MAST4: variants seen among roughly 807,000 people sequenced by gnomAD.
The protein encoded by MAST4 is microtubule-associated serine/threonine-protein kinase 4.
A neutral mutation model predicts 162.7 loss-of-function variants in MAST4; 89 were observed. The observed-to-expected ratio is 0.55, with a 90% CI of 0.46 to 0.65. The LOEUF is 0.65. MAST4 is among the 30% of genes least tolerant of loss of function. The pLI is 0.00. For synonymous variants in MAST4, 1,479 were observed against 1,361.1 expected, an observed-to-expected ratio of 1.09 and a Z score of -1.91; for missense variants, 3,153 against 3,374.0, an observed-to-expected ratio of 0.93 and a Z score of 1.62.
At chr5:66,857,849 C>T (rs1759801755) in intron 3 of MAST4, among the ~76,000 whole-genome samples, 1 of 152,258 alleles carries the variant, frequency 6.6e-6, no homozygotes, top group African/African-American at 2.4e-5. Flanking sequence ...AATTTTAATG[C>T]AGTTCAATTT....
chr5:67,104,251 T>C (rs1172494929), intron 9 of MAST4, 115 bp from the exon 10 acceptor site: 2 of 761,910 alleles, frequency 2.6e-6, no homozygotes, highest in African/African-American at 3.5e-5. Flanking sequence ...ATTTCTAGAA[T>C]CCCATTTAAC....
intron 5 of MAST4, among the ~76,000 whole-genome samples, chr5:67,068,263 A>G (rs1363198776): frequency 6.6e-6 from 1 of 152,206 alleles, no homozygotes; most frequent in Non-Finnish European, 1.5e-5. Flanking sequence ...GCTGCTATGA[A>G]GAAATACTCG....
At chr5:66,960,681 G>A (rs945563333) in intron 4 of MAST4, among the ~76,000 whole-genome samples, 1 of 152,110 alleles carries the variant, frequency 6.6e-6, no homozygotes, top group African/African-American at 2.4e-5. Context: ...GTTTTCTTTG[G>A]ACTTAGTAGA....
intron 1 of MAST4, among the ~76,000 whole-genome samples, chr5:66,646,719 T>A: frequency 6.6e-6 from 1 of 152,146 alleles, no homozygotes; most frequent in East Asian, 1.9e-4. Flanking sequence ...GTGGATGATG[T>A]TGGATGTGTC....
chr5:67,160,817 T>C (rs1773104576), intron 27 of MAST4, among the ~76,000 whole-genome samples: 1 of 152,248 alleles, frequency 6.6e-6, no homozygotes, highest in African/African-American at 2.4e-5. Flanking sequence ...GATTGTTTTT[T>C]ATCATGTGTG....
chr5:66,674,122 A>G (rs1042859155), intron 1 of MAST4, among the ~76,000 whole-genome samples: 1 of 152,216 alleles, frequency 6.6e-6, no homozygotes, highest in Admixed American at 6.5e-5. Context: ...ATACAACCTG[A>G]TATTCCCTTA....
intron 3 of MAST4, among the ~76,000 whole-genome samples, chr5:66,899,364 A>T (rs949416799): frequency 1.3e-5 from 2 of 152,198 alleles, no homozygotes; most frequent in African/African-American, 2.4e-5. Flanking sequence ...TTGTCTGATT[A>T]CCTTTTAGAA....
chr5:66,844,049 C>T (rs80214471), intron 3 of MAST4, among the ~76,000 whole-genome samples: 8,842 of 151,796 alleles, frequency 0.058, 420 homozygotes, highest in South Asian at 0.13. Context: ...TAGCCCTTCC[C>T]GTCATTGTCA....
chr5:66,998,021 T>A (rs140779289), intron 4 of MAST4, among the ~76,000 whole-genome samples: 1 of 152,338 alleles, frequency 6.6e-6, no homozygotes, highest in Non-Finnish European at 1.5e-5. Context: ...TGATGAAAAC[T>A]CATACTTCTC....
intron 24 of MAST4, among the ~76,000 whole-genome samples, chr5:67,150,855 C>G (rs1302356977): frequency 6.6e-6 from 1 of 152,106 alleles, no homozygotes; most frequent in Non-Finnish European, 1.5e-5. Context: ...AGCCAAGATG[C>G]TACATGAAGT....
intron 4 of MAST4, among the ~76,000 whole-genome samples, chr5:66,920,000 T>C (rs919827662): frequency 4.7e-5 from 7 of 149,548 alleles, no homozygotes; most frequent in Admixed American, 1.3e-4. Flanking sequence ...CTCTCTCTCT[T>C]TCTAATGAAC....
At position 66,984,097 on chromosome 5, in the gene MAST4, G is replaced by C. The variant is rs78706826; in HGVS notation, c.675-70307G>C. ...CTGCTCTCATGGAGCTTATATCCCA[G>C]TGGGGTGCAGGGATTTGGAGAAGAG... On this transcript the variant is annotated intron_variant, in intron 4 of 28. Coordinates refer to ENST00000403625, the MANE Select transcript of MAST4 (RefSeq NM_001164664.2). 8.9e-3 allele frequency among the ~76,000 whole-genome samples: 1,357 copies of C among 152,312 alleles called. 29 individuals are homozygous for C. The highest frequency in any genetic ancestry group is 0.031 in the African/African-American group (1,269 of 41,566).
intron 1 of MAST4, among the ~76,000 whole-genome samples, chr5:66,669,209 ATCT>A (rs1747455381): frequency 6.6e-6 from 1 of 152,160 alleles, no homozygotes. Flanking sequence ...TAGAAGGGTG[ATCT>A]TCTCAACCTC....
chr5:67,086,203 C>T (rs1443257809), intron 5 of MAST4, among the ~76,000 whole-genome samples: 2 of 152,194 alleles, frequency 1.3e-5, no homozygotes, highest in Non-Finnish European at 2.9e-5. Context: ...TGGATTCCTC[C>T]AGTCCTGATA....
At chr5:67,073,374 A>G (rs1316437572) in intron 5 of MAST4, among the ~76,000 whole-genome samples, 4 of 152,216 alleles carry the variant, frequency 2.6e-5, no homozygotes, top group Non-Finnish European at 1.5e-5. Flanking sequence ...TAAAAACTCA[A>G]AAAAAACCTA....
At chr5:67,093,423 CTT>C (rs1764084050) in intron 6 of MAST4, among the ~76,000 whole-genome samples, 1 of 152,186 alleles carries the variant, frequency 6.6e-6, no homozygotes, top group Non-Finnish European at 1.5e-5. Flanking sequence ...CATGTTCTCT[CTT>C]AAGTACTGTA....
intron 2 of MAST4, among the ~76,000 whole-genome samples, chr5:66,780,863 CAG>C (rs1261032511): frequency 6.6e-6 from 1 of 152,208 alleles, no homozygotes; most frequent in African/African-American, 2.4e-5. Context: ...TAGCTAGACA[CAG>C]AGCGCTGATT....
chr5:67,041,579 C>A (rs1256838624), intron 4 of MAST4, among the ~76,000 whole-genome samples: 5 of 152,204 alleles, frequency 3.3e-5, no homozygotes, highest in African/African-American at 1.2e-4. Flanking sequence ...ATCATAATTT[C>A]TTTACATAAA....
intron 3 of MAST4, among the ~76,000 whole-genome samples, chr5:66,826,604 AC>A (rs1018044966): frequency 7.4e-5 from 10 of 135,836 alleles, no homozygotes; most frequent in Admixed American, 1.5e-4. Context: ...TCCTCCCACC[AC>A]CCCCCCCAAT....
Sources: allele counts gnomAD v4.1 joint callset (sites outside exome capture counted in the v4.1 genomes callset), GRCh38; gene constraint gnomAD v4.1.1; transcripts MANE v1.5; gene names NCBI Gene and HGNC (gene_info 2026-07-23, HGNC 2026-07-21).